VAV3: variants seen among roughly 807,000 people sequenced by gnomAD.
VAV3 encodes guanine nucleotide exchange factor VAV3.
In VAV3, 94 loss-of-function variants were observed where a neutral mutation model predicts 131.2. That is an observed-to-expected ratio of 0.72 (90% CI 0.61 to 0.85). The LOEUF is 0.85. VAV3 is among the 40% of genes least tolerant of loss of function. The pLI, the probability that VAV3 is intolerant of heterozygous loss-of-function variation, is 0.00. For missense variants in VAV3, 939 were observed against 1,002.7 expected (o/e 0.94, Z 0.86); for synonymous variants, 349 against 342.0 (o/e 1.02, Z -0.22).
At chr1:107,603,823 TGA>T (rs1652054130) in intron 22 of VAV3, among the ~76,000 whole-genome samples, 1 of 137,958 alleles carries the variant, frequency 7.2e-6, no homozygotes, top group African/African-American at 2.7e-5. Context: ...TTTTTTTTTT[TGA>T]GACAGAGCTT....
intron 10 of VAV3, 77 bp downstream of exon 10, chr1:107,760,707 G>T: frequency 3.6e-6 from 4 of 1,124,984 alleles, no homozygotes; most frequent in Non-Finnish European, 3.9e-6. Flanking sequence ...TGGAATATCT[G>T]CAATGTAGTT....
intron 1 of VAV3, among the ~76,000 whole-genome samples, chr1:107,934,084 C>G (rs1389976733): frequency 6.6e-6 from 1 of 152,064 alleles, no homozygotes; most frequent in East Asian, 1.9e-4. Flanking sequence ...TAATTCTAAT[C>G]CAAGAAATTA....
rs1444635172 is a variant in VAV3, at chr1:107,757,479, T to C, written c.1018-150A>G. ...GTCTGGGCTCCATTTCCATCAAAAA[T>C]TTCAAACTGTAAGAAGACCAACTAG... On this transcript the variant is annotated intron_variant, in intron 10 of 26. Coordinates refer to ENST00000370056, the MANE Select transcript of VAV3 (RefSeq NM_006113.5). 8 of 674,666 alleles carry C rather than the reference T, an allele frequency of 1.2e-5. 1 individual carries two copies. The highest frequency in any genetic ancestry group is 1.1e-4 in the Admixed American group (3 of 27,952). 41.8% of individuals were successfully genotyped at this position (674,666 alleles called of 1,614,324 possible).
At chr1:107,720,149 T>C (rs951487161) in intron 15 of VAV3, among the ~76,000 whole-genome samples, 2 of 152,040 alleles carry the variant, frequency 1.3e-5, no homozygotes, top group African/African-American at 4.8e-5. Flanking sequence ...ACACAGCACA[T>C]GTATACATAT....
At chr1:107,830,046 A>AT (rs1355281397) in intron 2 of VAV3, among the ~76,000 whole-genome samples, 3 of 152,182 alleles carry the variant, frequency 2.0e-5, no homozygotes, top group Non-Finnish European at 2.9e-5. Flanking sequence ...AAAGATTTAG[A>AT]TTCCCCTTTG....
chr1:107,619,895 C>A (rs1336877963), intron 20 of VAV3, among the ~76,000 whole-genome samples: 1 of 152,028 alleles, frequency 6.6e-6, no homozygotes, highest in East Asian at 1.9e-4. Context: ...GATGCAGAGC[C>A]CCTCATGTAA....
At chr1:107,596,362 C>CATATTTTTGATAAGG (rs748580720) in intron 24 of VAV3, 21 bp from the exon 25 acceptor site, 1 of 1,610,272 alleles carries the variant, frequency 6.2e-7, no homozygotes, top group Non-Finnish European at 8.5e-7. Flanking sequence ...AAGAATCCAA[C>CATATTTTTGATAAGG]ATATTTTTGA....
intron 1 of VAV3, among the ~76,000 whole-genome samples, chr1:107,884,460 A>G (rs1670938698): frequency 6.8e-6 from 1 of 146,192 alleles, no homozygotes; most frequent in African/African-American, 2.5e-5. Context: ...ATTTTGAGAC[A>G]GGTTCTTTCT....
In VAV3 at chr1:107,874,894, T is replaced by C. The variant is rs750844013; in HGVS notation, c.321+7A>G. 9.7e-5 allele frequency: 156 copies of C among 1,610,468 alleles called. No individual in the cohort carries two copies. Among genetic ancestry groups the C allele is most frequent in the Non-Finnish European group, 8.2e-5 (97 of 1,177,488 alleles). On this transcript the variant is annotated splice_region_variant and intron_variant, in intron 2 of 26. Coordinates refer to ENST00000370056, the MANE Select transcript of VAV3 (RefSeq NM_006113.5). Reference sequence around the variant, plus strand: ...AAAAAGTAGTGTTAAAAATGAAGTATAATTACCTTTCCAAAGTCACGAACA... The same window carrying C: ...AAAAAGTAGTGTTAAAAATGAAGTACAATTACCTTTCCAAAGTCACGAACA...
intron 1 of VAV3, among the ~76,000 whole-genome samples, chr1:107,914,204 C>T (rs1672507379): frequency 6.6e-6 from 1 of 152,278 alleles, no homozygotes; most frequent in East Asian, 1.9e-4. Flanking sequence ...GAAATCCCAG[C>T]AATAGAGGGG....
At chr1:107,656,168 C>T (rs910438863) in intron 19 of VAV3, among the ~76,000 whole-genome samples, 8 of 152,142 alleles carry the variant, frequency 5.3e-5, no homozygotes, top group Admixed American at 5.2e-4. Flanking sequence ...TATTGTAACA[C>T]TATTCATAAT....
chr1:107,863,946 A>G (rs1669864565), intron 2 of VAV3, among the ~76,000 whole-genome samples: 1 of 152,156 alleles, frequency 6.6e-6, no homozygotes, highest in Non-Finnish European at 1.5e-5. Context: ...TTCTCTCTCC[A>G]GAAGTGTATG....
chr1:107,625,424 G>A (rs1002057489), intron 20 of VAV3, among the ~76,000 whole-genome samples: 3 of 151,922 alleles, frequency 2.0e-5, no homozygotes, highest in African/African-American at 7.3e-5. Flanking sequence ...ATACCACCAT[G>A]CCTGGCTAAT....
chr1:107,747,671 T>C (rs772235623), intron 15 of VAV3, among the ~76,000 whole-genome samples: 10 of 152,150 alleles, frequency 6.6e-5, no homozygotes, highest in Non-Finnish European at 1.5e-4. Flanking sequence ...TTACCTAGAA[T>C]TTGAAATAAA....
chr1:107,749,019 C>T lies in VAV3; in HGVS notation c.1451G>A (p.Cys484Tyr), dbSNP rs1663532303. The T allele has an allele frequency of 1.2e-6, 2 of 1,612,332 alleles. No individual in the cohort carries two copies. The highest frequency in any genetic ancestry group is 1.7e-6 in the Non-Finnish European group (2 of 1,179,274). The part of the protein sequence containing the change: ...TQGQNGLEFY[C>Y]KTKDLKKKWL... ...TTTCTTCTTTAAATCTTTTGTTTTG[C>T]AATAAAATTCTAACCCATTTTGTCC... The change falls in exon 15 of 27, where the codon TGC (cysteine) becomes TAC (tyrosine). Residue 484 changes from cysteine to tyrosine, a missense_variant. Coordinates refer to ENST00000370056, the MANE Select transcript of VAV3 (RefSeq NM_006113.5).
chr1:107,719,426 A>G (rs1661343806), intron 15 of VAV3, among the ~76,000 whole-genome samples: 1 of 152,234 alleles, frequency 6.6e-6, no homozygotes, highest in Non-Finnish European at 1.5e-5. Context: ...TCAAAAGAAG[A>G]CATTTATTTA....
intron 1 of VAV3, among the ~76,000 whole-genome samples, chr1:107,901,514 T>C (rs530396851): frequency 6.6e-6 from 1 of 152,280 alleles, no homozygotes; most frequent in South Asian, 2.1e-4. Context: ...GGTACAACAA[T>C]CAATGTAAAA....
intron 2 of VAV3, among the ~76,000 whole-genome samples, chr1:107,825,424 T>C (rs1485406917): frequency 6.6e-6 from 1 of 151,974 alleles, no homozygotes; most frequent in Non-Finnish European, 1.5e-5. Context: ...TTACCAAATA[T>C]TTGGATTAAT....
At chr1:107,636,732 T>C (rs941589588) in intron 20 of VAV3, among the ~76,000 whole-genome samples, 25 of 152,158 alleles carry the variant, frequency 1.6e-4, no homozygotes, top group Admixed American at 1.2e-3. Context: ...CATCATAAAA[T>C]TGAAAAATCA....
Sources: allele counts gnomAD v4.1 joint callset (sites outside exome capture counted in the v4.1 genomes callset), GRCh38; gene constraint gnomAD v4.1.1; transcripts MANE v1.5; gene names NCBI Gene and HGNC (gene_info 2026-07-23, HGNC 2026-07-21).